The following LRRIQ1 variants were observed in gnomAD, a reference collection of about 807,000 sequenced individuals.
The protein encoded by LRRIQ1 is leucine rich repeats and IQ motif containing 1, also known as leucine-rich repeat- and IQ domain-containing protein 1.
In LRRIQ1, 210 loss-of-function variants were observed where a neutral mutation model predicts 211.9. The observed-to-expected ratio is 0.99, with a 90% confidence interval of 0.89 to 1.11. The LOEUF (loss-of-function observed/expected upper bound fraction) is 1.11. Among genes scored for constraint, LRRIQ1 ranks in the 50% most tolerant of loss-of-function variants. The pLI, the probability that LRRIQ1 is intolerant of heterozygous loss-of-function variation, is 0.00. For synonymous variants in LRRIQ1, 699 were observed against 650.1 expected (o/e 1.08, Z -1.14); for missense variants, 2,136 against 1,939.5 (o/e 1.10, Z -1.90).
intron 26 of LRRIQ1, among the ~76,000 whole-genome samples, chr12:85,238,321 T>C (rs184281469): frequency 2.3e-3 from 356 of 152,078 alleles, no homozygotes; most frequent in Non-Finnish European, 3.8e-3. Flanking sequence ...GAAGAGAGAT[T>C]AGAGATGAAA....
chr12:85,217,508 ATGTGTGTGTGTG>A (rs370971727), intron 24 of LRRIQ1, among the ~76,000 whole-genome samples: 1,257 of 64,138 alleles, frequency 0.02, 44 homozygotes, highest in African/African-American at 0.064. Flanking sequence ...ATATATATAT[ATGTGTGTGTGTG>A]TGTGTGTGTG....
rs567985836 is a variant in LRRIQ1 at position 85,263,085 on chromosome 12, CAT to C, written c.*26_*27del. 146 of 987,696 alleles carry C rather than the reference CAT, an allele frequency of 1.5e-4. 1 individual carries two copies. The African/African-American group carries it at 1.7e-3, about 11-fold the overall frequency. 61.2% of individuals were successfully genotyped at this position (987,696 alleles called of 1,614,324 possible). The stretch of plus-strand genomic sequence containing the variant: ...ATCCTTAAGGCTTCAGCATTCAAAA[CAT>C]GTGGCAAACTGTTTCATGAAGTCTG... On this transcript the variant is annotated 3_prime_UTR_variant, in exon 2 of 2. Coordinates refer to the LRRIQ1 transcript ENST00000602731.
At position 85,056,933 on chromosome 12, in the gene LRRIQ1, A is replaced by G. The variant is rs1881172798; in HGVS notation, c.2140A>G (p.Lys714Glu). Residue 714 changes from lysine (K) to glutamate (E), a missense_variant, in exon 8 of 27, where the codon AAA (lysine) becomes GAA (glutamate). Lys to Glu is a moderately conservative substitution (Grantham distance 56). Transcript: ENST00000393217. The part of the protein sequence containing the change: ...LKSEIRNISE[K>E]CHENAPEPDS... ...ATCTGAGATTAGAAATATTTCAGAA[A>G]AATGCCATGAAAATGCACCTGAACC... 6.2e-7 allele frequency: 1 copy of G among 1,612,922 alleles called. No homozygotes were observed. Among genetic ancestry groups the G allele is most frequent in the Non-Finnish European group, 8.5e-7 (1 of 1,179,442 alleles).
rs1354912559 is a variant in LRRIQ1 at position 85,236,843 on chromosome 12, A to ATC, written c.5016+4088_5016+4089insCT. On this transcript the variant is annotated intron_variant, in intron 26 of 26. Transcript: ENST00000393217. ...TGTGTATGTGTGCATATATATATAT[A>ATC]TATATATATATATCTCCCAGATTAT... is the stretch of plus-strand genomic sequence containing the variant. 2.8e-5 allele frequency among the ~76,000 whole-genome samples: 4 copies of ATC among 144,844 alleles called. No homozygotes were observed. The East Asian group carries it at 6.0e-4, about 22-fold the overall frequency.
intron 1 of LRRIQ1, among the ~76,000 whole-genome samples, chr12:85,258,300 A>G (rs1896182856): frequency 6.6e-6 from 1 of 151,896 alleles, no homozygotes; most frequent in Admixed American, 6.6e-5. Context: ...TGCCACTTAA[A>G]TTTATATGAG....
At chr12:85,269,091 A>G (rs1161378402), downstream of LRRIQ1, among the ~76,000 whole-genome samples, 1 of 152,014 alleles carries the variant, frequency 6.6e-6, no homozygotes, top group Non-Finnish European at 1.5e-5. Flanking sequence ...ACAATAATGT[A>G]TCCAGGTAAT....
intron 14 of LRRIQ1, among the ~76,000 whole-genome samples, chr12:85,105,633 A>G (rs988159084): frequency 1.3e-5 from 2 of 151,950 alleles, no homozygotes; most frequent in African/African-American, 4.8e-5. Context: ...AACATTGTAG[A>G]TAGTTCAGTA....
Position 85,102,962 on chromosome 12 carries a change from ATAT to A in LRRIQ1, c.3210-1041_3210-1039del, listed in dbSNP as rs1565834262. On this transcript the variant is annotated intron_variant, in intron 13 of 26. Transcript: ENST00000393217. Reference sequence around the variant, plus strand: ...ATTGTGGCAAAAAAAAAAAAAAAATATATATATATATATATATATATATATTTT... The same window carrying A: ...ATTGTGGCAAAAAAAAAAAAAAAATAATATATATATATATATATATATTTT... Among the ~76,000 whole-genome samples the A allele has an allele frequency of 1.5e-3, 147 of 95,852 alleles. 1 individual carries two copies. Among genetic ancestry groups the A allele is most frequent in the Admixed American group, 9.1e-3 (86 of 9,416 alleles). 62.9% of individuals were successfully genotyped at this position (95,852 alleles called of 152,430 possible).
chr12:85,173,889 A>C (rs1891550676), intron 24 of LRRIQ1, among the ~76,000 whole-genome samples: 1 of 152,096 alleles, frequency 6.6e-6, no homozygotes, highest in Admixed American at 6.6e-5. Flanking sequence ...AGAGATTAGA[A>C]GAGTCTTTCT....
intron 24 of LRRIQ1, among the ~76,000 whole-genome samples, chr12:85,181,130 C>T (rs1317128862): frequency 2.8e-5 from 1 of 36,046 alleles, no homozygotes; most frequent in East Asian, 5.0e-4. Context: ...CTTAGGTAGC[C>T]CATTGAAACA....
At chr12:85,052,672 A>T (rs1343571741) in intron 7 of LRRIQ1, among the ~76,000 whole-genome samples, 2 of 152,082 alleles carry the variant, frequency 1.3e-5, no homozygotes, top group African/African-American at 4.8e-5. Context: ...ATTTTAAGTA[A>T]TTACAAATTT....
At chr12:85,234,532 A>G (rs1895087654) in intron 26 of LRRIQ1, among the ~76,000 whole-genome samples, 1 of 152,198 alleles carries the variant, frequency 6.6e-6, no homozygotes, top group Admixed American at 6.5e-5. Context: ...GAAAGGCATC[A>G]GTGGCTTTTA....
At chr12:85,214,921 G>A (rs1006765104) in intron 24 of LRRIQ1, among the ~76,000 whole-genome samples, 3 of 152,048 alleles carry the variant, frequency 2.0e-5, no homozygotes, top group Non-Finnish European at 2.9e-5. Flanking sequence ...ACATGGAGAA[G>A]GTATTTGCTA....
In LRRIQ1 at chr12:85,057,035, T is replaced by A. The variant is rs781132421; in HGVS notation, c.2242T>A (p.Ser748Thr). Reference protein sequence around the residue: ...IEERRLAWIKSFKPWLEIFKQ... With the variant: ...IEERRLAWIKTFKPWLEIFKQ... ...AGAAAGGAGACTAGCCTGGATAAAA[T>A]CATTTAAACCTTGGCTTGAAATTTT... The change falls in exon 8 of 27, where the codon TCA becomes ACA. Residue 748 changes from serine (S) to threonine (T), a missense_variant. Physicochemically the swap from Ser to Thr is moderately conservative, Grantham distance 58. Coordinates refer to ENST00000393217, the MANE Select transcript of LRRIQ1 (RefSeq NM_001079910.2). 1 of 1,607,882 alleles carries A rather than the reference T, an allele frequency of 6.2e-7. No homozygotes were observed. Among genetic ancestry groups the A allele is most frequent in the Non-Finnish European group, 8.5e-7 (1 of 1,178,072 alleles).
chr12:85,173,074 A>T (rs1316686494), intron 24 of LRRIQ1, among the ~76,000 whole-genome samples: 2 of 152,194 alleles, frequency 1.3e-5, no homozygotes, highest in Non-Finnish European at 2.9e-5. Context: ...ATGCCATTGC[A>T]TTCTAGCCTG....
At chr12:85,236,643 G>C (rs1895182929) in intron 26 of LRRIQ1, among the ~76,000 whole-genome samples, 1 of 151,730 alleles carries the variant, frequency 6.6e-6, no homozygotes, top group Non-Finnish European at 1.5e-5. Flanking sequence ...ATTCTGGAAA[G>C]AAACTTGTCA....
chr12:85,124,487 G>A lies in LRRIQ1; in HGVS notation c.3975G>A (p.Arg1325=). The change falls in exon 17 of 27, where the codon AGG becomes AGA. Residue 1325 remains arginine, a synonymous_variant. Coordinates refer to ENST00000393217, the MANE Select transcript of LRRIQ1 (RefSeq NM_001079910.2). ...TAGTAATGACAAATTCTTTGCTGAG[G>A]AATCACCAAAATATTGAGCCTAGTG... ...KEVVMTNSLL[R]NHQNIEPSEK... is the part of the protein sequence containing the mutation. 1 of 1,612,904 alleles carries A rather than the reference G, an allele frequency of 6.2e-7. No individual in the cohort carries two copies. Among genetic ancestry groups the A allele is most frequent in the South Asian group, 1.1e-5 (1 of 91,056 alleles).
chr12:85,108,088 T>C (rs1011155548), intron 15 of LRRIQ1, among the ~76,000 whole-genome samples: 5 of 152,182 alleles, frequency 3.3e-5, no homozygotes, highest in Non-Finnish European at 7.3e-5. Context: ...CTGGTCAGTA[T>C]TGGTTGTATT....
At chr12:85,079,784 T>C (rs1209263381) in intron 11 of LRRIQ1, among the ~76,000 whole-genome samples, 1 of 152,132 alleles carries the variant, frequency 6.6e-6, no homozygotes, top group Non-Finnish European at 1.5e-5. Context: ...TTTGCCCTTA[T>C]TTGGTTTGAC....
Sources: allele counts gnomAD v4.1 joint callset (sites outside exome capture counted in the v4.1 genomes callset), GRCh38; gene constraint gnomAD v4.1.1; transcripts MANE v1.5; gene names NCBI Gene and HGNC (gene_info 2026-07-23, HGNC 2026-07-21).